DPP6: variants seen among roughly 807,000 people sequenced by gnomAD.
The protein encoded by DPP6 is A-type potassium channel modulatory protein DPP6.
Under a neutral mutation model 122.6 loss-of-function variants are expected in DPP6, and 69 were observed. The observed-to-expected ratio is 0.56, with a 90% CI of 0.46 to 0.69. The LOEUF (loss-of-function observed/expected upper bound fraction) is 0.69. Among genes scored for constraint, DPP6 ranks in the 30% least tolerant of loss-of-function variants. DPP6 has a pLI of 0.00. For synonymous variants in DPP6, 418 were observed against 433.1 expected (o/e 0.97, Z 0.43); for missense variants, 928 against 1,116.9 (o/e 0.83, Z 2.41).
At chr7:153,952,090 C>T (rs1366338295) in intron 1 of DPP6, among the ~76,000 whole-genome samples, 1 of 152,120 alleles carries the variant, frequency 6.6e-6, no homozygotes, top group African/African-American at 2.4e-5. Flanking sequence ...TCTCATTAAC[C>T]TTTTGAACAA....
chr7:154,136,277 G>C (rs1379350614), intron 1 of DPP6, among the ~76,000 whole-genome samples: 2 of 152,138 alleles, frequency 1.3e-5, no homozygotes, highest in Non-Finnish European at 2.9e-5. Context: ...TTCCAAAATG[G>C]CAGAACCAAG....
the DPP6 span, among the ~76,000 whole-genome samples, chr7:153,805,932 C>T: frequency 1.3e-5 from 2 of 151,942 alleles, no homozygotes; most frequent in Admixed American, 6.5e-5. Context: ...AGCACACCAA[C>T]ATGGCACATG....
At chr7:154,339,012 C>G (rs1021530998) in intron 1 of DPP6, among the ~76,000 whole-genome samples, 1 of 152,196 alleles carries the variant, frequency 6.6e-6, no homozygotes, top group African/African-American at 2.4e-5. Context: ...GCTATTTAAT[C>G]TCCAGATTTC....
intron 1 of DPP6, among the ~76,000 whole-genome samples, chr7:154,062,017 G>GT (rs1468968890): frequency 1.0e-4 from 9 of 87,420 alleles, no homozygotes; most frequent in Non-Finnish European, 5.0e-5. Flanking sequence ...CCATCGCAGG[G>GT]GGGGGGAGGC....
At chr7:154,550,600 TG>T (rs1420826990) in intron 4 of DPP6, among the ~76,000 whole-genome samples, 1 of 152,206 alleles carries the variant, frequency 6.6e-6, no homozygotes, top group Admixed American at 6.5e-5. Flanking sequence ...GAAATATTTG[TG>T]TTTACTAATT....
intron 5 of DPP6, among the ~76,000 whole-genome samples, chr7:154,601,022 C>T (rs113259061): frequency 0.63 from 74,913 of 118,576 alleles, 32,478 homozygotes; most frequent in Non-Finnish European, 0.83. Context: ...ACCCTGGAGG[C>T]GGAGGTTGCG....
intron 1 of DPP6, among the ~76,000 whole-genome samples, chr7:154,134,986 G>A (rs1313704599): frequency 6.7e-6 from 1 of 149,764 alleles, no homozygotes; most frequent in African/African-American, 2.5e-5. Context: ...CCCTTCCTGT[G>A]AGCTTACACT....
intron 1 of DPP6, among the ~76,000 whole-genome samples, chr7:154,258,713 C>G (rs1184026664): frequency 1.3e-5 from 2 of 152,150 alleles, no homozygotes; most frequent in African/African-American, 4.8e-5. Flanking sequence ...AAGAAATATA[C>G]AGAGTTCTGC....
intron 10 of DPP6, among the ~76,000 whole-genome samples, chr7:154,774,078 G>A (rs1563195202): frequency 6.6e-6 from 1 of 152,188 alleles, no homozygotes; most frequent in Non-Finnish European, 1.5e-5. Flanking sequence ...AGTGCTCTAG[G>A]AAGCGTGAGG....
At chr7:153,801,744 T>A in the DPP6 span, among the ~76,000 whole-genome samples, 1 of 152,226 alleles carries the variant, frequency 6.6e-6, no homozygotes. Context: ...CCGTGGAACT[T>A]CTCCCCAAGA....
intron 21 of DPP6, among the ~76,000 whole-genome samples, chr7:154,883,245 C>T (rs1805574022): frequency 7.0e-6 from 1 of 143,720 alleles, no homozygotes; most frequent in Admixed American, 7.0e-5. Flanking sequence ...CACATTCACA[C>T]ACGCTCACCC....
the DPP6 span, among the ~76,000 whole-genome samples, chr7:153,801,669 A>G: frequency 3.3e-5 from 5 of 152,154 alleles, no homozygotes; most frequent in African/African-American, 4.8e-5. Flanking sequence ...GTGGGAGAAG[A>G]AAGAAAAAAG....
At chr7:153,957,251 A>G (rs1802503261) in intron 1 of DPP6, among the ~76,000 whole-genome samples, 1 of 152,116 alleles carries the variant, frequency 6.6e-6, no homozygotes, top group Non-Finnish European at 1.5e-5. Context: ...TGTGAGGGAG[A>G]AGGTGTGAAG....
At chr7:154,445,071 A>C (rs28584385) in intron 1 of DPP6, among the ~76,000 whole-genome samples, 7,406 of 152,270 alleles carry the variant, frequency 0.049, 205 homozygotes, top group East Asian at 0.13. Context: ...ATGATATTGC[A>C]TATTGTCTAT....
chr7:154,870,036 G>A (rs1804255884), intron 18 of DPP6, among the ~76,000 whole-genome samples: 1 of 151,934 alleles, frequency 6.6e-6, no homozygotes, highest in Non-Finnish European at 1.5e-5. Context: ...CTAGAATGCA[G>A]TGGTACGATC....
chr7:154,580,094 CAGTA>C (rs1438413887), intron 5 of DPP6, among the ~76,000 whole-genome samples: 51 of 151,832 alleles, frequency 3.4e-4, no homozygotes, highest in African/African-American at 1.2e-3. Flanking sequence ...CGGTGAATAA[CAGTA>C]AGACTCCAAA....
the DPP6 span, among the ~76,000 whole-genome samples, chr7:153,811,290 T>G: frequency 1.3e-5 from 2 of 152,266 alleles, no homozygotes; most frequent in East Asian, 1.9e-4. Context: ...TAGGTTGACT[T>G]TTACTCTCTC....
chr7:154,060,834 C>T (rs1394475583), intron 1 of DPP6, among the ~76,000 whole-genome samples: 8 of 133,252 alleles, frequency 6.0e-5, no homozygotes, highest in South Asian at 2.5e-4. Flanking sequence ...GACTGAGAGC[C>T]AGCCCCTGTT....
intron 16 of DPP6, among the ~76,000 whole-genome samples, chr7:154,832,707 C>T (rs1800727109): frequency 1.3e-5 from 2 of 152,224 alleles, no homozygotes; most frequent in South Asian, 4.1e-4. Flanking sequence ...GACACAGTCC[C>T]AGAAATCTCC....
Sources: allele counts gnomAD v4.1 joint callset (sites outside exome capture counted in the v4.1 genomes callset), GRCh38; gene constraint gnomAD v4.1.1; transcripts MANE v1.5; gene names NCBI Gene and HGNC (gene_info 2026-07-23, HGNC 2026-07-21).